Variants in SORCS3 observed in about 807,000 individuals in gnomAD.
SORCS3 encodes sortilin related VPS10 domain containing receptor 3.
In SORCS3, 57 loss-of-function variants were observed where a neutral mutation model predicts 146.3. The ratio of observed to expected loss-of-function variants is 0.39; its 90% CI spans 0.31 to 0.49. The LOEUF (loss-of-function observed/expected upper bound fraction) is 0.49. SORCS3 is among the 20% of genes least tolerant of loss of function. The pLI, the probability that SORCS3 is intolerant of heterozygous loss-of-function variation, is 0.92. For synonymous variants in SORCS3, 653 were observed against 618.5 expected (o/e 1.06, Z -0.83); for missense variants, 1,341 against 1,575.5 (o/e 0.85, Z 2.52).
chr10:104,650,102 T>C (rs953508011), intron 1 of SORCS3, among the ~76,000 whole-genome samples: 2 of 152,226 alleles, frequency 1.3e-5, no homozygotes, highest in African/African-American at 4.8e-5. Context: ...GCATATCACA[T>C]GGATTGGAGC....
intron 1 of SORCS3, among the ~76,000 whole-genome samples, chr10:104,815,874 T>C (rs546084055): frequency 1.3e-5 from 2 of 152,350 alleles, no homozygotes; most frequent in South Asian, 4.1e-4. Context: ...TCATACGTTT[T>C]TTCCCCATAA....
At chr10:104,665,112 G>A (rs1312830988) in intron 1 of SORCS3, 2 of 152,420 alleles carry the variant, frequency 1.3e-5, no homozygotes, top group East Asian at 3.9e-4. Context: ...ACCGACTTCT[G>A]GAAGACACCG....
At chr10:104,785,344 G>A (rs1032151000) in intron 1 of SORCS3, among the ~76,000 whole-genome samples, 4 of 142,712 alleles carry the variant, frequency 2.8e-5, no homozygotes, top group Admixed American at 2.1e-4. Context: ...GATTAAGGGC[G>A]GTGCAAGATG....
intron 1 of SORCS3, among the ~76,000 whole-genome samples, chr10:104,824,719 G>A (rs766335874): frequency 6.6e-5 from 10 of 152,206 alleles, no homozygotes; most frequent in Non-Finnish European, 1.2e-4. Flanking sequence ...GCCCTCATCC[G>A]AAGCAGCTGA....
chr10:105,062,019 G>A (rs2055491271), intron 5 of SORCS3, among the ~76,000 whole-genome samples: 1 of 152,194 alleles, frequency 6.6e-6, no homozygotes, highest in African/African-American at 2.4e-5. Context: ...GACAGAGGGG[G>A]ATTCAGGTGG....
At chr10:105,220,768 A>G (rs2056696662) in intron 19 of SORCS3, among the ~76,000 whole-genome samples, 1 of 152,188 alleles carries the variant, frequency 6.6e-6, no homozygotes, top group Admixed American at 6.5e-5. Flanking sequence ...AATAAAACAC[A>G]AACTATAAAG....
intron 1 of SORCS3, among the ~76,000 whole-genome samples, chr10:104,683,907 C>T (rs1589456516): frequency 6.6e-6 from 1 of 152,166 alleles, no homozygotes; most frequent in African/African-American, 2.4e-5. Context: ...CCAAGGCCCT[C>T]TCATTGAGTT....
intron 13 of SORCS3, among the ~76,000 whole-genome samples, chr10:105,173,938 G>A (rs931664722): frequency 1.3e-5 from 2 of 152,196 alleles, no homozygotes; most frequent in African/African-American, 4.8e-5. Flanking sequence ...TTAGTAGAAA[G>A]TAGCTGTTTG....
At chr10:105,117,723 C>T (rs2055903357) in intron 7 of SORCS3, among the ~76,000 whole-genome samples, 1 of 152,196 alleles carries the variant, frequency 6.6e-6, no homozygotes, top group Admixed American at 6.5e-5. Flanking sequence ...CTTCTCATTT[C>T]CCTGTCTCTG....
chr10:104,643,515 T>C (rs2015453540), intron 1 of SORCS3, among the ~76,000 whole-genome samples: 1 of 152,188 alleles, frequency 6.6e-6, no homozygotes, highest in African/African-American at 2.4e-5. Flanking sequence ...AAGACCCCCG[T>C]AGCCTCGGGC....
chr10:104,814,156 G>A lies in SORCS3; in HGVS notation c.628-28636G>A, dbSNP rs568921412. Among the ~76,000 whole-genome samples, 3 of 152,216 alleles carry A rather than the reference G, an allele frequency of 2.0e-5. No individual in the cohort carries two copies. In the South Asian group the frequency reaches 6.2e-4, roughly 32 times the overall value. On this transcript the variant is annotated intron_variant, in intron 1 of 26. Transcript: ENST00000369701. ...GAATGGGCAGTGTTTGGAGTCTCAA[G>A]ACACAAGGGGGGAGTTAAATCAGCT...
At chr10:104,875,686 T>C (rs1451544810) in intron 2 of SORCS3, among the ~76,000 whole-genome samples, 1 of 152,148 alleles carries the variant, frequency 6.6e-6, no homozygotes, top group East Asian at 1.9e-4. Flanking sequence ...AAATTCCTAG[T>C]TAGTTATTGC....
chr10:104,995,177 T>TTG (rs397828159), intron 4 of SORCS3, among the ~76,000 whole-genome samples: 4 of 149,568 alleles, frequency 2.7e-5, no homozygotes, highest in East Asian at 3.9e-4. Context: ...TTTTTTTTTT[T>TTG]GGGATGGAGT....
chr10:104,961,559 A>G (rs1470811328), intron 3 of SORCS3, among the ~76,000 whole-genome samples: 2 of 152,176 alleles, frequency 1.3e-5, no homozygotes, highest in East Asian at 1.9e-4. Context: ...GGAAATAAAT[A>G]TCTGGTTAAA....
chr10:104,797,965 A>G (rs887349387), intron 1 of SORCS3, among the ~76,000 whole-genome samples: 3 of 152,242 alleles, frequency 2.0e-5, no homozygotes, highest in Non-Finnish European at 4.4e-5. Context: ...AGGCCTCATC[A>G]TAAGTCTAAC....
chr10:104,692,514 T>G (rs1161844219), intron 1 of SORCS3, among the ~76,000 whole-genome samples: 2 of 152,234 alleles, frequency 1.3e-5, no homozygotes, highest in Non-Finnish European at 2.9e-5. Flanking sequence ...CTGTTCTCCA[T>G]GGTGCCTGCA....
intron 1 of SORCS3, among the ~76,000 whole-genome samples, chr10:104,720,270 T>G (rs1310908216): frequency 6.6e-6 from 1 of 152,228 alleles, no homozygotes; most frequent in Non-Finnish European, 1.5e-5. Context: ...AATGATGATT[T>G]CCAGCTTCAT....
intron 4 of SORCS3, among the ~76,000 whole-genome samples, chr10:105,025,616 C>T (rs1321450692): frequency 6.6e-6 from 1 of 152,072 alleles, no homozygotes; most frequent in Admixed American, 6.6e-5. Context: ...CAGCCTCGAG[C>T]ATTGCCTGGC....
intron 1 of SORCS3, among the ~76,000 whole-genome samples, chr10:104,661,333 GTTAT>G (rs1215435268): frequency 1.3e-5 from 2 of 152,122 alleles, no homozygotes; most frequent in East Asian, 1.9e-4. Flanking sequence ...TGACAGCTAT[GTTAT>G]TTATTTATTT....
Sources: allele counts gnomAD v4.1 joint callset (sites outside exome capture counted in the v4.1 genomes callset), GRCh38; gene constraint gnomAD v4.1.1; transcripts MANE v1.5; gene names NCBI Gene and HGNC (gene_info 2026-07-23, HGNC 2026-07-21).